Variants in MTARC1 observed in about 807,000 individuals in gnomAD.
The protein encoded by MTARC1 is mitochondrial amidoxime reducing component 1.
MTARC1 carries 24 observed loss-of-function variants against 33.6 expected under a neutral mutation model. The ratio of observed to expected loss-of-function variants is 0.72; its 90% CI spans 0.52 to 1.01. The LOEUF (loss-of-function observed/expected upper bound fraction) is 1.01. Ranked by LOEUF, MTARC1 falls within the 50% of genes least tolerant of loss-of-function variation. The probability of loss-of-function intolerance (pLI) is 0.00; values close to 1 mark genes in which losing one functional copy is unlikely to be tolerated. For synonymous variants in MTARC1, 187 were observed against 189.5 expected (o/e 0.99, Z 0.11); for missense variants, 417 against 445.7 (o/e 0.94, Z 0.58).
Position 220,815,352 on chromosome 1 carries a change from TG to T in MTARC1, c.*1935del, listed in dbSNP as rs1673258928. Reference sequence around the variant, plus strand: ...TAGTGGCAAGTGAAAGCCTTAGTCCTGAATTTCTAACCACTTGTAAGAACTA... The same window carrying T: ...TAGTGGCAAGTGAAAGCCTTAGTCCTAATTTCTAACCACTTGTAAGAACTA... On this transcript the variant is annotated 3_prime_UTR_variant, in exon 7 of 7. Coordinates refer to ENST00000366910, the MANE Select transcript of MTARC1 (RefSeq NM_022746.4). 1 of 152,240 alleles carries T rather than the reference TG, an allele frequency of 6.6e-6. No homozygotes were observed. Among genetic ancestry groups the T allele is most frequent in the Non-Finnish European group, 1.5e-5 (1 of 68,048 alleles). The allele number at this position is 152,240 out of a possible 1,614,324, so 9.4% of individuals were successfully genotyped here.
chr1:220,810,502 C>A (rs1673097955), intron 6 of MTARC1, among the ~76,000 whole-genome samples: 1 of 152,134 alleles, frequency 6.6e-6, no homozygotes. Context: ...CGCTTCTACT[C>A]CTAGACAGCG....
At chr1:220,805,805 A>G (rs546424403) in intron 6 of MTARC1, among the ~76,000 whole-genome samples, 256 of 152,350 alleles carry the variant, frequency 1.7e-3, no homozygotes, top group Non-Finnish European at 3.0e-3. Context: ...TTATTGCACT[A>G]TTCTACTTTT....
chr1:220,801,561 G>A (rs565189031), intron 4 of MTARC1, among the ~76,000 whole-genome samples: 1 of 152,272 alleles, frequency 6.6e-6, no homozygotes, highest in East Asian at 1.9e-4. Flanking sequence ...CTGAGGGAGG[G>A]GTACATACAC....
chr1:220,792,567 T>A (rs12027850), intron 2 of MTARC1, among the ~76,000 whole-genome samples: 52,021 of 151,618 alleles, frequency 0.34, 10,509 homozygotes, highest in East Asian at 0.75. Context: ...AGTTTTAAAC[T>A]TGATAATATA....
rs72472312 is a variant in MTARC1 at position 220,800,897 on chromosome 1, C to T, written c.753+2883C>T. Among the ~76,000 whole-genome samples, 7 of 39,356 alleles carry T rather than the reference C, an allele frequency of 1.8e-4. No individual in the cohort carries two copies. The East Asian group carries it at 3.7e-3, about 21-fold the overall frequency. The allele number at this position is 39,356 out of a possible 152,430, so 25.8% of individuals were successfully genotyped here. On this transcript the variant is annotated intron_variant, in intron 4 of 6. Coordinates refer to ENST00000366910, the MANE Select transcript of MTARC1 (RefSeq NM_022746.4). The stretch of plus-strand genomic sequence containing the variant: ...TGACAGATCTTGGTGGCTGGGCCTT[C>T]CCCCCCACTCCCCTCTCTGCCCGGA...
intron 4 of MTARC1, chr1:220,799,046 C>A (rs974526633): frequency 1.5e-5 from 15 of 985,244 alleles, no homozygotes; most frequent in South Asian, 4.7e-5. Context: ...GTCCCATTTA[C>A]CTTGCCTGAA....
intron 6 of MTARC1, among the ~76,000 whole-genome samples, chr1:220,811,992 C>T (rs890087132): frequency 1.3e-5 from 2 of 152,066 alleles, no homozygotes; most frequent in Non-Finnish European, 2.9e-5. Flanking sequence ...CATTACAGGA[C>T]AAGATGTGTG....
At chr1:220,795,805 G>A (rs574664816) in intron 2 of MTARC1, among the ~76,000 whole-genome samples, 14 of 152,280 alleles carry the variant, frequency 9.2e-5, no homozygotes, top group African/African-American at 3.1e-4. Context: ...TGTTAAAAGA[G>A]GAGATTATCA....
At chr1:220,796,933 C>A in intron 3 of MTARC1, 128 bp downstream of exon 3, 1 of 948,000 alleles carries the variant, frequency 1.1e-6, no homozygotes, top group Non-Finnish European at 1.5e-6. Flanking sequence ...AGATCACAAG[C>A]AGTAGGCAGA....
intron 2 of MTARC1, among the ~76,000 whole-genome samples, chr1:220,795,501 TA>T (rs1299416440): frequency 6.6e-6 from 1 of 152,248 alleles, no homozygotes; most frequent in African/African-American, 2.4e-5. Flanking sequence ...TGATTCAGCT[TA>T]TAAACTAATC....
At chr1:220,804,840 C>T (rs1672922977) in intron 4 of MTARC1, among the ~76,000 whole-genome samples, 1 of 151,420 alleles carries the variant, frequency 6.6e-6, no homozygotes, top group Non-Finnish European at 1.5e-5. Context: ...GAAATCTCAT[C>T]TCAGGGGAAT....
In MTARC1 at chr1:220,816,984, C is replaced by G. The variant is rs1211870039; in HGVS notation, c.*3566C>G. The G allele has an allele frequency of 1.3e-5, 2 of 152,168 alleles. No homozygotes were observed. Among genetic ancestry groups the G allele is most frequent in the Non-Finnish European group, 2.9e-5 (2 of 68,070 alleles). 9.4% of individuals were successfully genotyped at this position (152,168 alleles called of 1,614,324 possible). On this transcript the variant is annotated 3_prime_UTR_variant, in exon 7 of 7. Coordinates refer to ENST00000366910, the MANE Select transcript of MTARC1 (RefSeq NM_022746.4). ...CAAACTCTCTCTAACCTTGCCCTTA[C>G]AGCAATACCTGTGATGTAAGTTACA...
At position 220,813,994 on chromosome 1, in the gene MTARC1, A is replaced by T. The variant is rs911115314; in HGVS notation, c.*576A>T. On this transcript the variant is annotated 3_prime_UTR_variant, in exon 7 of 7. Coordinates refer to ENST00000366910, the MANE Select transcript of MTARC1 (RefSeq NM_022746.4). ...AGATATTAATTTTCCATAGATCTGGATCTGGCCCTGCTGCTTCTCAGACAG... is the reference window on the plus strand; with the variant it reads ...AGATATTAATTTTCCATAGATCTGGTTCTGGCCCTGCTGCTTCTCAGACAG... 7 of 155,230 alleles carry T rather than the reference A, an allele frequency of 4.5e-5. No homozygotes were observed. Among genetic ancestry groups the T allele is most frequent in the African/African-American group, 1.7e-4 (7 of 41,460 alleles). 9.6% of individuals were successfully genotyped at this position (155,230 alleles called of 1,614,324 possible).
chr1:220,809,605 G>A (rs918247206), intron 6 of MTARC1, among the ~76,000 whole-genome samples: 1 of 152,176 alleles, frequency 6.6e-6, no homozygotes, highest in Non-Finnish European at 1.5e-5. Context: ...CGCCTCCTGG[G>A]TTCAAGCAAT....
Position 220,794,414 on chromosome 1 carries a change from C to T in MTARC1, c.450-2229C>T, listed in dbSNP as rs559884645. 6 of 151,684 alleles carry T rather than the reference C, an allele frequency of 4.0e-5. No individual in the cohort carries two copies. In the East Asian group the frequency reaches 5.8e-4, roughly 15 times the overall value. 9.4% of individuals were successfully genotyped at this position (151,684 alleles called of 1,614,324 possible). Reference sequence around the variant, plus strand: ...TTAGCATTTCAGACATTAAACTGCACACACACACACACAGATGCTAAGCCC... The same window carrying T: ...TTAGCATTTCAGACATTAAACTGCATACACACACACACAGATGCTAAGCCC... On this transcript the variant is annotated intron_variant, in intron 2 of 6. Coordinates refer to ENST00000366910, the MANE Select transcript of MTARC1 (RefSeq NM_022746.4).
In MTARC1 at chr1:220,813,581, T is replaced by C. The variant is rs1291739405; in HGVS notation, c.*163T>C. 2.4e-6 allele frequency: 2 copies of C among 834,646 alleles called. No individual in the cohort carries two copies. The highest frequency in any genetic ancestry group is 3.7e-6 in the Non-Finnish European group (2 of 545,770). 51.7% of individuals were successfully genotyped at this position (834,646 alleles called of 1,614,324 possible). A position where few individuals can be genotyped will look rare whatever the true frequency, so the allele number is the denominator to read the frequency against. ...GACTTCTGGTGTCTCAATGCTTCAA[T>C]GTCCCAGTGCAAAAAGTAAAGAAAT... On this transcript the variant is annotated 3_prime_UTR_variant, in exon 7 of 7. Transcript: ENST00000366910.
chr1:220,794,975 T>C (rs1173849464), intron 2 of MTARC1, among the ~76,000 whole-genome samples: 1 of 152,212 alleles, frequency 6.6e-6, no homozygotes, highest in Non-Finnish European at 1.5e-5. Flanking sequence ...CAGACACTGT[T>C]AGTAATGACT....
intron 6 of MTARC1, among the ~76,000 whole-genome samples, chr1:220,806,392 G>C (rs61830270): frequency 0.17 from 26,316 of 152,120 alleles, 2,490 homozygotes; most frequent in East Asian, 0.29. Context: ...TTGTAGAAGG[G>C]AGGGCCCTGG....
At chr1:220,797,646 G>C (rs1672664117) in intron 3 of MTARC1, 2 of 531,094 alleles carry the variant, frequency 3.8e-6, no homozygotes, top group South Asian at 5.1e-5. Flanking sequence ...GCTTAGGATT[G>C]ATTCTGAGTC....
Sources: gnomAD v4.1 joint callset for allele counts (sites outside exome capture counted in the v4.1 genomes callset) on GRCh38, gnomAD v4.1.1 for gene constraint, MANE v1.5 for transcripts, NCBI Gene and HGNC (gene_info 2026-07-23, HGNC 2026-07-21) for gene names.